Variants in WNK1 observed in about 807,000 individuals in gnomAD.
WNK1 encodes serine/threonine-protein kinase WNK1.
A neutral mutation model predicts 222.8 loss-of-function variants in WNK1; 38 were observed. The observed-to-expected ratio is 0.17, with a 90% CI of 0.13 to 0.22. WNK1 has a LOEUF of 0.22. Ranked by LOEUF, WNK1 falls within the 10% of genes least tolerant of loss-of-function variation. The pLI is 1.00. For synonymous variants in WNK1, 1,090 were observed against 1,092.9 expected (o/e 1.00, Z 0.05); for missense variants, 2,348 against 2,918.4 (o/e 0.80, Z 4.50).
Position 827,939 on chromosome 12 carries a change from C to A in WNK1, c.1153+677C>A, listed in dbSNP as rs1948487447. Among the ~76,000 whole-genome samples the A allele has an allele frequency of 6.6e-6, 1 of 151,932 alleles. No individual in the cohort carries two copies. The highest frequency in any genetic ancestry group is 1.9e-4 in the East Asian group (1 of 5,198). On this transcript the variant is annotated intron_variant, in intron 3 of 27. Transcript: ENST00000315939. The surrounding 1 kb of genome is among the most constrained non-coding windows in gnomAD (Gnocchi z 4.6). ...TGGAATTTATATTTAGTTTTACTTT[C>A]TAAAATTAAAAGATAAAAATTAAAT...
chr12:769,737 C>T (rs574370175), intron 1 of WNK1, among the ~76,000 whole-genome samples: 4 of 152,190 alleles, frequency 2.6e-5, no homozygotes, highest in South Asian at 2.1e-4. Flanking sequence ...AGTTCATTTG[C>T]GCTACTATAA....
At chr12:855,645 CTTTGT>C (rs969428774) in intron 4 of WNK1, among the ~76,000 whole-genome samples, 1 of 152,114 alleles carries the variant, frequency 6.6e-6, no homozygotes, top group African/African-American at 2.4e-5. Context: ...ACTCCATTCC[CTTTGT>C]TTTATGTGTC....
intron 2 of WNK1, 47 bp downstream of exon 2, chr12:813,861 T>C: frequency 1.1e-5 from 17 of 1,528,686 alleles, no homozygotes; most frequent in Non-Finnish European, 1.2e-5. Flanking sequence ...TATGAGAGAA[T>C]TTGATTTTTT....
At position 753,395 on chromosome 12, in the gene WNK1, G is replaced by A. The variant is rs1033597913; in HGVS notation, c.-171G>A. ...AGCCCCCGCCGCAGCTGGGCCCAGC[G>A]GTCCGCCTGTCCCTCGTTGCGGCTT... On this transcript the variant is annotated 5_prime_UTR_variant, in exon 1 of 28. Coordinates refer to ENST00000315939, the MANE Select transcript of WNK1 (RefSeq NM_018979.4). This position sits in a 1 kb window ranked among gnomAD's most constrained non-coding sequence, Gnocchi z 5.2. 6 of 834,602 alleles carry A rather than the reference G, an allele frequency of 7.2e-6. No homozygotes were observed. Among genetic ancestry groups the A allele is most frequent in the Non-Finnish European group, 1.1e-5 (6 of 545,476 alleles). The allele number at this position is 834,602 out of a possible 1,614,324, so 51.7% of individuals were successfully genotyped here.
At chr12:823,930 A>C (rs1282422557) in intron 2 of WNK1, among the ~76,000 whole-genome samples, 2 of 124,770 alleles carry the variant, frequency 1.6e-5, no homozygotes, top group Non-Finnish European at 3.2e-5. Context: ...TTGGAGATGG[A>C]GTCTCGCTCT....
intron 1 of WNK1, among the ~76,000 whole-genome samples, chr12:796,538 A>G (rs997731481): frequency 2.0e-5 from 3 of 152,252 alleles, no homozygotes; most frequent in African/African-American, 7.2e-5. Flanking sequence ...GGCCTCCCAA[A>G]GTGCTGGGAT....
chr12:906,817 A>G (rs2154102911), intron 26 of WNK1: 1 of 918,316 alleles, frequency 1.1e-6, no homozygotes, highest in East Asian at 1.2e-4. Context: ...ACATGGCAGG[A>G]TTGCCTGAGC....
At chr12:785,409 C>CG (rs1565426663) in intron 1 of WNK1, among the ~76,000 whole-genome samples, 2 of 106,106 alleles carry the variant, frequency 1.9e-5, no homozygotes, top group Admixed American at 2.0e-4. Context: ...CCCCCCCCCC[C>CG]ACCCCCTCGA....
chr12:896,245 G>C lies in WNK1; in HGVS notation c.5758G>C (p.Asp1920His). 3 of 1,614,220 alleles carry C rather than the reference G, an allele frequency of 1.9e-6. No homozygotes were observed. The highest frequency in any genetic ancestry group is 2.5e-6 in the Non-Finnish European group (3 of 1,180,042). ...CATAACCATCCCTGGTATCTCTTCA[G>C]ATGTGCCAGAGAGTGCCCACAAAAC... is the stretch of plus-strand genomic sequence containing the variant. ...NGITIPGISS[D>H]VPESAHKTTA... Residue 1920 changes from aspartate to histidine, a missense_variant, in exon 24 of 28, where the codon GAT (aspartate) becomes CAT (histidine). By Grantham distance (81) the Asp-to-His change is moderately conservative (BLOSUM62 -1). Transcript: ENST00000315939.
chr12:884,985 C>T lies in WNK1; in HGVS notation c.4181C>T (p.Thr1394Ile). The T allele has an allele frequency of 6.2e-7, 1 of 1,614,192 alleles. No homozygotes were observed. Among genetic ancestry groups the T allele is most frequent in the Non-Finnish European group, 8.5e-7 (1 of 1,180,032 alleles). ...AGVATSTGVV[T>I]SGGLPIPPVS... ...GTTGCCACCAGCACAGGTGTGGTAA[C>T]TTCAGGTGGTCTCCCCATACCACCT... is the stretch of plus-strand genomic sequence containing the variant. Residue 1394 changes from threonine (T) to isoleucine (I), a missense_variant, in exon 19 of 28, where the codon ACT (threonine) becomes ATT (isoleucine). This residue lies in a region of WNK1 where 1,144 missense variants were observed against 1,273.6 expected (regional missense o/e 0.90). Coordinates refer to ENST00000315939, the MANE Select transcript of WNK1 (RefSeq NM_018979.4). The surrounding 1 kb of genome is among the most constrained non-coding windows in gnomAD (Gnocchi z 5.6).
At chr12:822,611 C>G (rs1296651718) in intron 2 of WNK1, among the ~76,000 whole-genome samples, 1 of 152,090 alleles carries the variant, frequency 6.6e-6, no homozygotes, top group African/African-American at 2.4e-5. Flanking sequence ...GAATTGATAC[C>G]AACTTAGCTT....
At chr12:905,769 A>G (rs749167911) in intron 26 of WNK1, among the ~76,000 whole-genome samples, 3 of 151,966 alleles carry the variant, frequency 2.0e-5, no homozygotes, top group Non-Finnish European at 1.5e-5. Flanking sequence ...CTGTGCTCTC[A>G]TGCTTCTCCC....
chr12:828,266 A>C (rs567899710), intron 3 of WNK1, among the ~76,000 whole-genome samples: 62 of 152,244 alleles, frequency 4.1e-4, no homozygotes, highest in African/African-American at 1.5e-3. Flanking sequence ...AGATTGCGCC[A>C]CTGCACTCTA....
intron 8 of WNK1, among the ~76,000 whole-genome samples, chr12:870,961 AT>A (rs1952091154): frequency 6.6e-6 from 1 of 152,210 alleles, no homozygotes; most frequent in Non-Finnish European, 1.5e-5. Context: ...CTAATAACAA[AT>A]TTTATTATGA....
Position 898,712 on chromosome 12 carries a change from T to C in WNK1, c.6448+1031T>C, listed in dbSNP as rs1406733460. 2.6e-5 allele frequency among the ~76,000 whole-genome samples: 4 copies of C among 151,908 alleles called. No individual in the cohort carries two copies. In the East Asian group the frequency reaches 7.7e-4, roughly 29 times the overall value. The stretch of plus-strand genomic sequence containing the variant: ...CCTTAGCTTCCTGGGTAGCTGGGAT[T>C]ACAGGCACACACTACCATGCCCTGC... On this transcript the variant is annotated intron_variant, in intron 25 of 27. Transcript: ENST00000315939.
chr12:898,603 CTG>C (rs1249728830), intron 25 of WNK1, among the ~76,000 whole-genome samples: 2 of 152,106 alleles, frequency 1.3e-5, no homozygotes, highest in African/African-American at 4.8e-5. Context: ...GGGCCTCACT[CTG>C]TTGCCCAGAC....
At chr12:862,684 A>G (rs1011329055) in intron 8 of WNK1, among the ~76,000 whole-genome samples, 5 of 152,334 alleles carry the variant, frequency 3.3e-5, no homozygotes, top group African/African-American at 1.2e-4. Context: ...CCTTCAAACC[A>G]TTATAGAATG....
chr12:885,254 A>G lies in WNK1; in HGVS notation c.4450A>G (p.Thr1484Ala). ...ATCTCAGCAGGCAGCAGGCAGCACT[A>G]CTGTGGGAGCCACATTAACATCAGT... The part of the protein sequence containing the change: ...VVSQQAAGST[T>A]VGATLTSVST... Residue 1484 changes from threonine to alanine, a missense_variant, in exon 19 of 28, where the codon ACT (threonine) becomes GCT (alanine). Thr to Ala is a moderately conservative substitution (Grantham distance 58). Transcript: ENST00000315939. 1 of 1,614,218 alleles carries G rather than the reference A, an allele frequency of 6.2e-7. No homozygotes were observed. Among genetic ancestry groups the G allele is most frequent in the South Asian group, 1.1e-5 (1 of 91,078 alleles).
At chr12:797,554 A>G (rs1283906043) in intron 1 of WNK1, among the ~76,000 whole-genome samples, 1 of 152,184 alleles carries the variant, frequency 6.6e-6, no homozygotes, top group Non-Finnish European at 1.5e-5. Flanking sequence ...AACTTTAGGT[A>G]TTCTACCTAT....
Sources: gnomAD v4.1 joint callset for allele counts (sites outside exome capture counted in the v4.1 genomes callset) on GRCh38, gnomAD v4.1.1 for gene constraint, gnomAD v4.1.1 regional missense constraint, Gnocchi (gnomAD v3.1) non-coding constraint, MANE v1.5 for transcripts, NCBI Gene and HGNC (gene_info 2026-07-23, HGNC 2026-07-21) for gene names.